SLC7A2: variants seen among roughly 807,000 people sequenced by gnomAD.
The protein encoded by SLC7A2 is cationic amino acid transporter 2.
SLC7A2 carries 48 observed loss-of-function variants against 58.9 expected under a neutral mutation model. The ratio of observed to expected loss-of-function variants is 0.82; its 90% confidence interval spans 0.65 to 1.04. SLC7A2 has a LOEUF of 1.04. Ranked by LOEUF, SLC7A2 falls within the 50% of genes least tolerant of loss-of-function variation. The probability of loss-of-function intolerance (pLI) is 0.00; values close to 1 mark genes in which losing one functional copy is unlikely to be tolerated. For synonymous variants in SLC7A2, 363 were observed against 314.5 expected (o/e 1.15, Z -1.63); for missense variants, 1,029 against 818.8 (o/e 1.26, Z -3.13).
chr8:17,554,906 A>C (rs1236713002), intron 8 of SLC7A2: 1 of 1,609,610 alleles, frequency 6.2e-7, no homozygotes, highest in Admixed American at 1.7e-5. Context: ...AATAATCCTT[A>C]AAATAACTCA....
chr8:17,519,812 C>T (rs1189554852), intron 2 of SLC7A2, among the ~76,000 whole-genome samples: 1 of 150,762 alleles, frequency 6.6e-6, no homozygotes, highest in Non-Finnish European at 1.5e-5. Context: ...TCTTGCCAAG[C>T]AGACTTCTGA....
intron 2 of SLC7A2, among the ~76,000 whole-genome samples, chr8:17,536,453 A>G (rs959948227): frequency 2.6e-5 from 4 of 152,104 alleles, no homozygotes; most frequent in Admixed American, 2.6e-4. Flanking sequence ...GCCTGTAACT[A>G]CTTGGGAGGC....
intron 8 of SLC7A2, among the ~76,000 whole-genome samples, chr8:17,556,755 C>T (rs879369950): frequency 1.4e-4 from 21 of 151,942 alleles, no homozygotes; most frequent in African/African-American, 4.6e-4. Flanking sequence ...ATTACAGTCA[C>T]GTGCCACCAC....
rs1009424871 is a variant in SLC7A2 at position 17,514,479 on chromosome 8, G to C, written c.-23+12177G>C. On this transcript the variant is annotated intron_variant, in intron 2 of 12. Coordinates refer to ENST00000494857, the MANE Select transcript of SLC7A2 (RefSeq NM_001370338.1). ...TTTTCCCTTCTCAAAAATATATCTA[G>C]AAAGAAAGAGATGGGGAAATGCACA... Among the ~76,000 whole-genome samples the C allele has an allele frequency of 7.7e-4, 117 of 152,256 alleles. 1 individual carries two copies. The highest frequency in any genetic ancestry group is 2.5e-3 in the African/African-American group (102 of 41,552).
upstream of SLC7A2, among the ~76,000 whole-genome samples, chr8:17,495,537 T>G (rs187698851): frequency 1.2e-3 from 177 of 152,278 alleles, no homozygotes; most frequent in Non-Finnish European, 2.3e-3. Flanking sequence ...GTTTAAACTT[T>G]CAGTTTTTTT....
chr8:17,526,516 A>T (rs1801229164), intron 2 of SLC7A2, among the ~76,000 whole-genome samples: 1 of 152,196 alleles, frequency 6.6e-6, no homozygotes, highest in Admixed American at 6.5e-5. Flanking sequence ...TCACAATTTC[A>T]GGTCTGGATG....
At chr8:17,527,651 G>A (rs1217060829) in intron 2 of SLC7A2, among the ~76,000 whole-genome samples, 3 of 152,134 alleles carry the variant, frequency 2.0e-5, no homozygotes, top group East Asian at 1.9e-4. Context: ...CATCTTTGGC[G>A]TTACTTGGCT....
intron 2 of SLC7A2, among the ~76,000 whole-genome samples, chr8:17,539,976 GAT>G (rs1801840567): frequency 6.6e-6 from 1 of 152,076 alleles, no homozygotes; most frequent in Non-Finnish European, 1.5e-5. Flanking sequence ...AAACTTCAAA[GAT>G]ATGTACATAT....
chr8:17,497,989 A>G (rs1441825023), intron 1 of SLC7A2, among the ~76,000 whole-genome samples: 2 of 152,192 alleles, frequency 1.3e-5, no homozygotes, highest in Non-Finnish European at 2.9e-5. Flanking sequence ...TCTATGGAGT[A>G]AGGTATTGAG....
intron 9 of SLC7A2, among the ~76,000 whole-genome samples, chr8:17,559,502 G>T (rs1312158438): frequency 2.0e-5 from 3 of 152,214 alleles, no homozygotes; most frequent in Admixed American, 2.0e-4. Flanking sequence ...GGAGGCAGAG[G>T]TTGCAGTGAG....
At chr8:17,498,846 G>A (rs1303671027) in intron 1 of SLC7A2, 1 of 152,174 alleles carries the variant, frequency 6.6e-6, no homozygotes, top group Non-Finnish European at 1.5e-5. Flanking sequence ...CCTGTCACTG[G>A]GCTTAGGAGC....
chr8:17,501,197 A>G lies in SLC7A2; in HGVS notation c.-68-1060A>G, dbSNP rs548917824. Among the ~76,000 whole-genome samples the G allele has an allele frequency of 2.0e-5, 3 of 152,054 alleles. No individual in the cohort carries two copies. The East Asian group carries it at 5.9e-4, about 30-fold the overall frequency. Reference sequence around the variant, plus strand: ...TTCGGCTACTTTTTGTAATTTTAGTATAGATGGGGTTTCACCATGTTGCCC... The same window carrying G: ...TTCGGCTACTTTTTGTAATTTTAGTGTAGATGGGGTTTCACCATGTTGCCC... On this transcript the variant is annotated intron_variant, in intron 1 of 12. Transcript: ENST00000494857.
intron 2 of SLC7A2, among the ~76,000 whole-genome samples, chr8:17,533,987 T>A (rs530992456): frequency 6.6e-6 from 1 of 152,190 alleles, no homozygotes; most frequent in African/African-American, 2.4e-5. Flanking sequence ...ATTGCTCAGC[T>A]CCCACTTATA....
intron 2 of SLC7A2, among the ~76,000 whole-genome samples, chr8:17,508,006 A>G (rs933914028): frequency 3.9e-5 from 6 of 152,246 alleles, no homozygotes; most frequent in African/African-American, 1.2e-4. Flanking sequence ...AAATAAAAAG[A>G]CTTTTAAAGT....
Position 17,569,606 on chromosome 8 carries a change from T to G in SLC7A2, c.*4460T>G, listed in dbSNP as rs1803423084. 6.6e-6 allele frequency: 1 copy of G among 152,212 alleles called. No individual in the cohort carries two copies. The highest frequency in any genetic ancestry group is 1.5e-5 in the Non-Finnish European group (1 of 68,032). The allele number at this position is 152,212 out of a possible 1,614,324, so 9.4% of individuals were successfully genotyped here. On this transcript the variant is annotated 3_prime_UTR_variant, in exon 13 of 13. Coordinates refer to ENST00000494857, the MANE Select transcript of SLC7A2 (RefSeq NM_001370338.1). ...AAACACTTTAAAATAGCCTTCCGGTTTCTGGATTTTGAGAAGCCTGATCTG... is the reference window on the plus strand; with the variant it reads ...AAACACTTTAAAATAGCCTTCCGGTGTCTGGATTTTGAGAAGCCTGATCTG...
At chr8:17,545,289 T>C (rs2705019) in intron 4 of SLC7A2, among the ~76,000 whole-genome samples, 138,146 of 152,110 alleles carry the variant, frequency 0.91, 63,056 homozygotes, top group East Asian at 1. Flanking sequence ...CTGCCTCCTA[T>C]AGCCTTCTCG....
At chr8:17,526,718 G>A (rs1801235483) in intron 2 of SLC7A2, among the ~76,000 whole-genome samples, 1 of 152,116 alleles carries the variant, frequency 6.6e-6, no homozygotes, top group Non-Finnish European at 1.5e-5. Flanking sequence ...CCATCCATCA[G>A]AAAAATTTCA....
rs181954809 is a variant in SLC7A2, at chr8:17,523,940, A to G, written c.-22-19378A>G. Among the ~76,000 whole-genome samples, 8 of 152,322 alleles carry G rather than the reference A, an allele frequency of 5.3e-5. No individual in the cohort carries two copies. In the East Asian group the frequency reaches 1.5e-3, roughly 29 times the overall value. ...AGAAAAAAAAATGAAAAAGTAGGCT[A>G]AGGACATGAATAGACAATTCTCAAA... On this transcript the variant is annotated intron_variant, in intron 2 of 12. Coordinates refer to ENST00000494857, the MANE Select transcript of SLC7A2 (RefSeq NM_001370338.1).
intron 2 of SLC7A2, among the ~76,000 whole-genome samples, chr8:17,506,684 G>A (rs949171344): frequency 6.6e-6 from 1 of 152,168 alleles, no homozygotes; most frequent in African/African-American, 2.4e-5. Flanking sequence ...TGGAGTCCAA[G>A]CATATTGAAA....
Sources: allele counts gnomAD v4.1 joint callset (sites outside exome capture counted in the v4.1 genomes callset), GRCh38; gene constraint gnomAD v4.1.1; transcripts MANE v1.5; gene names NCBI Gene and HGNC (gene_info 2026-07-23, HGNC 2026-07-21).